Variants in SOX6 observed in about 807,000 individuals in gnomAD.
SOX6 encodes SRY-box transcription factor 6.
SOX6 carries 11 observed loss-of-function variants against 97.8 expected under a neutral mutation model. The observed-to-expected ratio is 0.11, with a 90% CI of 0.07 to 0.19. The LOEUF is 0.19. Ranked by LOEUF, SOX6 falls within the 10% of genes least tolerant of loss-of-function variation. SOX6 has a pLI of 1.00. For missense variants in SOX6, 810 were observed against 1,039.5 expected (o/e 0.78, Z 3.04); for synonymous variants, 360 against 371.4 (o/e 0.97, Z 0.35).
Position 15,972,636 on chromosome 11 carries a change from C to T in SOX6, c.*173G>A, listed in dbSNP as rs1156614748. 1.5e-6 allele frequency: 1 copy of T among 684,680 alleles called. No individual in the cohort carries two copies. Among genetic ancestry groups the T allele is most frequent in the Non-Finnish European group, 2.4e-6 (1 of 411,040 alleles). 42.4% of individuals were successfully genotyped at this position (684,680 alleles called of 1,614,324 possible). ...ACAATAACAATAACAACAAAAAACT[C>T]AAGTTCATGAAAAATCAGGGAAAAC... On this transcript the variant is annotated 3_prime_UTR_variant, in exon 16 of 16. Transcript: ENST00000683767.
intron 1 of SOX6, among the ~76,000 whole-genome samples, chr11:16,472,654 A>T (rs980376738): frequency 6.6e-6 from 1 of 152,140 alleles, no homozygotes; most frequent in African/African-American, 2.4e-5. Flanking sequence ...GTATTAAACT[A>T]TATTAAACAT....
intron 1 of SOX6, among the ~76,000 whole-genome samples, chr11:16,426,020 G>T (rs1269904447): frequency 1.3e-5 from 2 of 151,688 alleles, no homozygotes; most frequent in Non-Finnish European, 2.9e-5. Flanking sequence ...ACTTTGGGAG[G>T]CCGAGATGGG....
chr11:16,236,994 GA>G (rs570687663), intron 3 of SOX6, among the ~76,000 whole-genome samples: 1 of 151,844 alleles, frequency 6.6e-6, no homozygotes, highest in Non-Finnish European at 1.5e-5. Flanking sequence ...GAAATTGAGG[GA>G]AAAAATAAAG....
chr11:16,241,190 T>C (rs553855013), intron 3 of SOX6, among the ~76,000 whole-genome samples: 3 of 152,190 alleles, frequency 2.0e-5, no homozygotes, highest in African/African-American at 7.2e-5. Flanking sequence ...CATCCACTAA[T>C]GAATAGGTAA....
chr11:16,711,439 C>T (rs1391863745), intron 3 of SOX6, among the ~76,000 whole-genome samples: 1 of 152,176 alleles, frequency 6.6e-6, no homozygotes, highest in East Asian at 1.9e-4. Context: ...GGGAGGATCA[C>T]TTGAGCCTCG....
intron 4 of SOX6, among the ~76,000 whole-genome samples, chr11:16,598,839 A>T (rs1276545544): frequency 1.3e-5 from 2 of 152,068 alleles, no homozygotes; most frequent in Admixed American, 6.6e-5. Flanking sequence ...GAATGGATAT[A>T]TCAAAGATAG....
At chr11:16,482,543 G>A (rs1179682931) in intron 4 of SOX6, among the ~76,000 whole-genome samples, 1 of 152,026 alleles carries the variant, frequency 6.6e-6, no homozygotes, top group East Asian at 1.9e-4. Context: ...AAATTTTATT[G>A]ACAAAAAAGT....
At chr11:15,978,924 T>TAA (rs1477895149) in intron 15 of SOX6, among the ~76,000 whole-genome samples, 1 of 138,062 alleles carries the variant, frequency 7.2e-6, no homozygotes, top group Non-Finnish European at 1.6e-5. Context: ...GCATTATATA[T>TAA]TATATATTAT....
intron 12 of SOX6, among the ~76,000 whole-genome samples, chr11:16,030,504 C>T (rs992186516): frequency 2.6e-5 from 4 of 152,156 alleles, no homozygotes; most frequent in African/African-American, 9.6e-5. Flanking sequence ...ATATTTAATA[C>T]TGCCTCAAAT....
At chr11:16,446,467 T>G (rs1267422776) in intron 1 of SOX6, among the ~76,000 whole-genome samples, 1 of 152,168 alleles carries the variant, frequency 6.6e-6, no homozygotes. Context: ...CGAATTACCT[T>G]CACAAATACT....
intron 9 of SOX6, among the ~76,000 whole-genome samples, chr11:16,092,308 C>G (rs1322691134): frequency 6.6e-6 from 1 of 151,612 alleles, no homozygotes; most frequent in Non-Finnish European, 1.5e-5. Flanking sequence ...AAAGAATAAC[C>G]CTATTATTTG....
intron 1 of SOX6, chr11:16,408,931 A>G (rs1206774566): frequency 6.6e-6 from 1 of 152,170 alleles, no homozygotes; most frequent in Non-Finnish European, 1.5e-5. Context: ...AATGTAACCA[A>G]TGGGGTAATT....
intron 1 of SOX6, among the ~76,000 whole-genome samples, chr11:16,429,302 C>T (rs532855967): frequency 1.3e-5 from 2 of 152,132 alleles, no homozygotes; most frequent in East Asian, 1.9e-4. Flanking sequence ...AAATACCATT[C>T]GACCCAGCAA....
chr11:16,597,071 T>G (rs1848220033), intron 4 of SOX6, among the ~76,000 whole-genome samples: 1 of 152,108 alleles, frequency 6.6e-6, no homozygotes, highest in Non-Finnish European at 1.5e-5. Context: ...AAAACCCAAT[T>G]GAAACATTGA....
intron 1 of SOX6, among the ~76,000 whole-genome samples, chr11:16,372,406 A>G (rs1373841940): frequency 3.3e-5 from 5 of 152,144 alleles, no homozygotes; most frequent in Non-Finnish European, 7.4e-5. Context: ...GGAATAAAAG[A>G]CAAAAAGAAA....
intron 1 of SOX6, among the ~76,000 whole-genome samples, chr11:16,464,490 G>A (rs531891181): frequency 2.0e-5 from 3 of 150,890 alleles, no homozygotes; most frequent in Non-Finnish European, 4.4e-5. Flanking sequence ...AGGGGAGAAA[G>A]GAAAAGGAAG....
intron 4 of SOX6, among the ~76,000 whole-genome samples, chr11:16,198,921 AATG>A (rs1851861736): frequency 1.3e-5 from 2 of 152,286 alleles, no homozygotes; most frequent in East Asian, 1.9e-4. Context: ...AGGAAGAACA[AATG>A]ATAAGCCACA....
intron 15 of SOX6, among the ~76,000 whole-genome samples, chr11:15,977,263 C>G (rs1396579296): frequency 6.6e-6 from 1 of 152,070 alleles, no homozygotes; most frequent in Non-Finnish European, 1.5e-5. Context: ...GTGACCTCCC[C>G]GCCACTGTGA....
chr11:16,162,435 G>A (rs1850774454), intron 6 of SOX6, among the ~76,000 whole-genome samples: 1 of 152,176 alleles, frequency 6.6e-6, no homozygotes, highest in African/African-American at 2.4e-5. Context: ...GCAGGGCCTG[G>A]TGAGAGGTGT....
Sources: allele counts gnomAD v4.1 joint callset (sites outside exome capture counted in the v4.1 genomes callset), GRCh38; gene constraint gnomAD v4.1.1; transcripts MANE v1.5; gene names NCBI Gene and HGNC (gene_info 2026-07-23, HGNC 2026-07-21).